Variants in DOK5 observed in about 807,000 individuals in gnomAD.
The protein encoded by DOK5 is docking protein 5.
Under a neutral mutation model 43.3 loss-of-function variants are expected in DOK5, and 27 were observed. That is an observed-to-expected ratio of 0.62 (90% CI 0.46 to 0.86). The LOEUF (loss-of-function observed/expected upper bound fraction) is 0.86, where lower values mean the gene tolerates loss of function less well. Among genes scored for constraint, DOK5 ranks in the 40% least tolerant of loss-of-function variants. The pLI, the probability that DOK5 is intolerant of heterozygous loss-of-function variation, is 0.00. For synonymous variants in DOK5, 146 were observed against 140.1 expected (o/e 1.04, Z -0.30); for missense variants, 373 against 392.9 (o/e 0.95, Z 0.43).
At chr20:54,643,333 AT>A in intron 6 of DOK5, 124 bp from the exon 7 acceptor site, 1 of 1,302,964 alleles carries the variant, frequency 7.7e-7, no homozygotes, top group Non-Finnish European at 1.1e-6. Context: ...CCTTCAATCG[AT>A]GTTCATTGAT....
rs774001496 is a variant in DOK5, at chr20:54,554,951, T to G, written c.85T>G (p.Leu29Val). ...RRLGIYQRCW[L>V]VFKKASSKGP... Reference sequence around the variant, plus strand: ...CTTCCAGATTTATCAGCGATGCTGGTTAGTATTCAAGAAAGCTTCAAGCAA... The same window carrying G: ...CTTCCAGATTTATCAGCGATGCTGGGTAGTATTCAAGAAAGCTTCAAGCAA... Residue 29 changes from leucine to valine, a missense_variant, in exon 2 of 8, where the codon TTA becomes GTA. By Grantham distance (32) the Leu-to-Val change is conservative. Transcript: ENST00000262593. The G allele has an allele frequency of 6.2e-7, 1 of 1,612,582 alleles. No individual in the cohort carries two copies. Among genetic ancestry groups the G allele is most frequent in the Non-Finnish European group, 8.5e-7 (1 of 1,178,600 alleles).
intron 4 of DOK5, 89 bp downstream of exon 4, chr20:54,588,895 T>G: frequency 7.0e-7 from 1 of 1,427,874 alleles, no homozygotes; most frequent in African/African-American, 1.4e-5. Flanking sequence ...ATGTAAAGTT[T>G]TTGGGGTATA....
At chr20:54,593,398 G>T (rs1210945657) in intron 5 of DOK5, among the ~76,000 whole-genome samples, 2 of 152,054 alleles carry the variant, frequency 1.3e-5, no homozygotes, top group East Asian at 1.9e-4. Flanking sequence ...TTCTTTTCTG[G>T]TCTATTTTAT....
intron 6 of DOK5, among the ~76,000 whole-genome samples, chr20:54,619,399 T>C (rs912020763): frequency 6.6e-6 from 1 of 152,076 alleles, no homozygotes; most frequent in Non-Finnish European, 1.5e-5. Flanking sequence ...GAGATCAGTG[T>C]CTATGACAAA....
chr20:54,601,594 A>G (rs993013382), intron 5 of DOK5, among the ~76,000 whole-genome samples: 1 of 152,224 alleles, frequency 6.6e-6, no homozygotes, highest in African/African-American at 2.4e-5. Context: ...AAGTATTAGA[A>G]TTTACATCTA....
Position 54,515,769 on chromosome 20 carries a change from G to A in DOK5, c.67-39164G>A, listed in dbSNP as rs187084941. On this transcript the variant is annotated intron_variant, in intron 1 of 7. Transcript: ENST00000262593. ...AAAAGTGGCATAGTCCAACTAAAGA[G>A]AGTACGCAAAGATGGGTTTTGTACC... Among the ~76,000 whole-genome samples, 5 of 152,312 alleles carry A rather than the reference G, an allele frequency of 3.3e-5. No homozygotes were observed. In the East Asian group the frequency reaches 9.6e-4, roughly 29 times the overall value.
chr20:54,643,239 C>A (rs1043723592), intron 6 of DOK5, among the ~76,000 whole-genome samples: 2 of 152,186 alleles, frequency 1.3e-5, no homozygotes, highest in African/African-American at 4.8e-5. Flanking sequence ...CCCAAAGGAA[C>A]GTCATCAAGG....
intron 5 of DOK5, among the ~76,000 whole-genome samples, chr20:54,595,190 A>T (rs1413273471): frequency 2.0e-5 from 3 of 152,120 alleles, no homozygotes; most frequent in Non-Finnish European, 4.4e-5. Context: ...AAATACAAAA[A>T]ATTAGCCGGG....
chr20:54,632,792 C>T (rs1978630682), intron 6 of DOK5, among the ~76,000 whole-genome samples: 1 of 152,122 alleles, frequency 6.6e-6, no homozygotes, highest in African/African-American at 2.4e-5. Context: ...AATACAAATT[C>T]CTGGCCGGGA....
At chr20:54,484,444 T>C (rs1000950731) in intron 1 of DOK5, among the ~76,000 whole-genome samples, 1 of 152,244 alleles carries the variant, frequency 6.6e-6, no homozygotes, top group Admixed American at 6.5e-5. Flanking sequence ...TAGATAATTG[T>C]TATGTTCATA....
Position 54,529,542 on chromosome 20 carries a change from T to A in DOK5, c.67-25391T>A, listed in dbSNP as rs1046342465. On this transcript the variant is annotated intron_variant, in intron 1 of 7. Coordinates refer to ENST00000262593, the MANE Select transcript of DOK5 (RefSeq NM_018431.5). ...AACAACAAGTTTATAAGGGTGACTT[T>A]AAAAAAAAAAACAGCATTATTGGGA... Among the ~76,000 whole-genome samples, 17 of 148,124 alleles carry A rather than the reference T, an allele frequency of 1.1e-4. 1 individual carries two copies. The highest frequency in any genetic ancestry group is 2.3e-4 in the Non-Finnish European group (15 of 66,654).
chr20:54,532,837 G>A (rs1983826171), intron 1 of DOK5, among the ~76,000 whole-genome samples: 1 of 152,194 alleles, frequency 6.6e-6, no homozygotes, highest in Non-Finnish European at 1.5e-5. Context: ...TCCTGGCCCA[G>A]AGCTAATTGT....
At chr20:54,547,823 C>T (rs1444413573) in intron 1 of DOK5, among the ~76,000 whole-genome samples, 1 of 152,196 alleles carries the variant, frequency 6.6e-6, no homozygotes, top group African/African-American at 2.4e-5. Flanking sequence ...TCTGCTTAAG[C>T]TTTGACAGTG....
At chr20:54,650,356 A>C in intron 7 of DOK5, 59 bp from the exon 8 acceptor site, 1 of 1,554,928 alleles carries the variant, frequency 6.4e-7, no homozygotes, top group Non-Finnish European at 8.8e-7. Context: ...GTTGCCACCT[A>C]ATTTGATTGT....
At chr20:54,598,723 G>A (rs1286853185) in intron 5 of DOK5, among the ~76,000 whole-genome samples, 5 of 152,166 alleles carry the variant, frequency 3.3e-5, no homozygotes, top group South Asian at 4.1e-4. Flanking sequence ...TTTTGACATC[G>A]TTTTAAGAGA....
intron 1 of DOK5, among the ~76,000 whole-genome samples, chr20:54,482,695 C>G (rs976341159): frequency 6.6e-6 from 1 of 152,182 alleles, no homozygotes; most frequent in Admixed American, 6.5e-5. Flanking sequence ...CAGGGTTTCA[C>G]CATGTTGGCC....
At chr20:54,526,318 G>T (rs1451831378) in intron 1 of DOK5, among the ~76,000 whole-genome samples, 1 of 152,064 alleles carries the variant, frequency 6.6e-6, no homozygotes, top group African/African-American at 2.4e-5. Flanking sequence ...GAAGGGTGAG[G>T]CCCCAAAGCT....
intron 6 of DOK5, among the ~76,000 whole-genome samples, chr20:54,612,265 C>G (rs889443474): frequency 6.6e-6 from 1 of 152,248 alleles, no homozygotes; most frequent in Middle Eastern, 3.4e-3. Flanking sequence ...AGTGCCTGCC[C>G]CCGTGAGCCA....
At chr20:54,499,365 A>T (rs1433881504) in intron 1 of DOK5, among the ~76,000 whole-genome samples, 1 of 152,166 alleles carries the variant, frequency 6.6e-6, no homozygotes, top group Non-Finnish European at 1.5e-5. Context: ...AGGGTAAAGG[A>T]TTGGATAGAG....
Sources: gnomAD v4.1 joint callset for allele counts (sites outside exome capture counted in the v4.1 genomes callset) on GRCh38, gnomAD v4.1.1 for gene constraint, MANE v1.5 for transcripts, NCBI Gene and HGNC (gene_info 2026-07-23, HGNC 2026-07-21) for gene names.